Variants in PARP8 observed in about 807,000 individuals in gnomAD.
PARP8 encodes poly(ADP-ribose) polymerase family member 8.
PARP8 carries 51 observed loss-of-function variants against 124.1 expected under a neutral mutation model. The ratio of observed to expected loss-of-function variants is 0.41; its 90% confidence interval spans 0.33 to 0.52. PARP8 has a LOEUF of 0.52. Ranked by LOEUF, PARP8 falls within the 20% of genes least tolerant of loss-of-function variation. The pLI, the probability that PARP8 is intolerant of heterozygous loss-of-function variation, is 0.21. For synonymous variants in PARP8, 391 were observed against 361.5 expected (o/e 1.08, Z -0.93); for missense variants, 860 against 1,018.9 (o/e 0.84, Z 2.12).
intron 2 of PARP8, among the ~76,000 whole-genome samples, chr5:50,747,163 G>GT (rs1211253892): frequency 0.052 from 4,989 of 95,436 alleles, 307 homozygotes; most frequent in African/African-American, 0.068. Flanking sequence ...TGTTTGTTTT[G>GT]TTTTTTTTTT....
chr5:50,825,852 A>T (rs938492105), intron 18 of PARP8, among the ~76,000 whole-genome samples: 1 of 152,174 alleles, frequency 6.6e-6, no homozygotes, highest in Non-Finnish European at 1.5e-5. Context: ...GGCTTCCTCA[A>T]GATTCTGATT....
At position 50,795,030 on chromosome 5, in the gene PARP8, T is replaced by C; in HGVS notation, c.1041T>C (p.Asp347=). ...HRTFGRSLSS[D]PRAEQAMTAI... ...CCTTTGGCCGCTCCTTGTCCAGCGA[T>C]CCCAGGGCGGAGCAGGCTATGACAG... The change falls in exon 12 of 26, where the codon GAT becomes GAC. Residue 347 remains aspartate (D), a synonymous_variant. Coordinates refer to ENST00000281631, the MANE Select transcript of PARP8 (RefSeq NM_024615.4). 1 of 1,614,190 alleles carries C rather than the reference T, an allele frequency of 6.2e-7. No individual in the cohort carries two copies. The highest frequency in any genetic ancestry group is 8.5e-7 in the Non-Finnish European group (1 of 1,180,024).
At chr5:50,761,018 G>C (rs1267682836) in intron 5 of PARP8, among the ~76,000 whole-genome samples, 1 of 152,076 alleles carries the variant, frequency 6.6e-6, no homozygotes, top group Non-Finnish European at 1.5e-5. Context: ...GCTGAAACCA[G>C]AAATGGTTAG....
At chr5:50,678,455 G>T (rs997405710) in intron 2 of PARP8, among the ~76,000 whole-genome samples, 4 of 151,900 alleles carry the variant, frequency 2.6e-5, no homozygotes, top group African/African-American at 7.3e-5. Context: ...TAAAATGAAG[G>T]ATATCTATGT....
intron 9 of PARP8, among the ~76,000 whole-genome samples, chr5:50,787,030 G>A (rs1366362819): frequency 6.6e-6 from 1 of 152,100 alleles, no homozygotes; most frequent in Admixed American, 6.5e-5. Flanking sequence ...GTCTCCTGCA[G>A]TCTTTCACAT....
intron 21 of PARP8, among the ~76,000 whole-genome samples, chr5:50,829,196 A>C (rs190960674): frequency 6.6e-6 from 1 of 152,288 alleles, no homozygotes; most frequent in East Asian, 1.9e-4. Flanking sequence ...ATCTTTATTT[A>C]TGCCTTTCAT....
chr5:50,741,342 AAAAG>A (rs1303026887), intron 2 of PARP8, among the ~76,000 whole-genome samples: 1 of 152,218 alleles, frequency 6.6e-6, no homozygotes, highest in Admixed American at 6.5e-5. Context: ...TGAGTAAAGA[AAAAG>A]AGAGAAGCAC....
intron 7 of PARP8, among the ~76,000 whole-genome samples, chr5:50,768,067 C>T (rs1349653232): frequency 6.6e-6 from 1 of 151,856 alleles, no homozygotes; most frequent in East Asian, 1.9e-4. Flanking sequence ...GGCTAGATAT[C>T]TGAAATATAT....
intron 5 of PARP8, among the ~76,000 whole-genome samples, chr5:50,761,104 A>G (rs1760494169): frequency 6.6e-6 from 1 of 152,006 alleles, no homozygotes; most frequent in African/African-American, 2.4e-5. Flanking sequence ...TCAGTGTAGA[A>G]GTTTAGGGAT....
chr5:50,815,753 T>C (rs1382958812), intron 15 of PARP8, among the ~76,000 whole-genome samples: 1 of 152,174 alleles, frequency 6.6e-6, no homozygotes, highest in East Asian at 1.9e-4. Flanking sequence ...CAACTTTCCA[T>C]TGCATGAAAA....
intron 2 of PARP8, among the ~76,000 whole-genome samples, chr5:50,685,843 C>T (rs1468462873): frequency 2.6e-5 from 4 of 152,134 alleles, no homozygotes; most frequent in African/African-American, 9.7e-5. Context: ...CAGCAAAACT[C>T]CCCTCTTGAA....
At chr5:50,707,242 C>G (rs1448860721) in intron 2 of PARP8, among the ~76,000 whole-genome samples, 2 of 151,960 alleles carry the variant, frequency 1.3e-5, no homozygotes, top group African/African-American at 4.8e-5. Flanking sequence ...ATTCGTCATT[C>G]AATTAACATA....
intron 1 of PARP8, chr5:50,667,768 C>G: frequency 6.5e-6 from 5 of 763,558 alleles, no homozygotes; most frequent in South Asian, 5.9e-5. Flanking sequence ...ATTTTGCTCC[C>G]CCGGGATTTT....
At position 50,826,872 on chromosome 5, in the gene PARP8, C is replaced by T; in HGVS notation, c.1977+69C>T. ...AGGAGTACTTATCAGTTGGGAGAAC[C>T]TACCTTGTAATTTTTAGCCAGACTC... On this transcript the variant is annotated intron_variant, in intron 19 of 25. Transcript: ENST00000281631. 3.9e-6 allele frequency: 6 copies of T among 1,538,982 alleles called. No homozygotes were observed. The South Asian group carries it at 5.1e-5, about 13-fold the overall frequency.
chr5:50,703,183 C>T (rs1753770624), intron 2 of PARP8, among the ~76,000 whole-genome samples: 1 of 151,858 alleles, frequency 6.6e-6, no homozygotes, highest in African/African-American at 2.4e-5. Flanking sequence ...CACCTTAAGT[C>T]CCAGCTACTT....
chr5:50,773,927 G>A (rs1400715416), intron 7 of PARP8, among the ~76,000 whole-genome samples: 1 of 151,526 alleles, frequency 6.6e-6, no homozygotes, highest in African/African-American at 2.4e-5. Flanking sequence ...TGGAGAGAAG[G>A]TCAGCAGATA....
chr5:50,783,284 A>C (rs1464010613), intron 9 of PARP8, among the ~76,000 whole-genome samples: 1 of 152,140 alleles, frequency 6.6e-6, no homozygotes, highest in African/African-American at 2.4e-5. Flanking sequence ...CTCAAGTCCA[A>C]CCAGCGCTTC....
At chr5:50,756,317 T>C (rs1422531834) in intron 3 of PARP8, among the ~76,000 whole-genome samples, 1 of 152,140 alleles carries the variant, frequency 6.6e-6, no homozygotes, top group Non-Finnish European at 1.5e-5. Flanking sequence ...TGGCTGTGGG[T>C]TTGTCATAGA....
At chr5:50,809,307 A>T (rs1413811377) in intron 14 of PARP8, among the ~76,000 whole-genome samples, 2 of 152,086 alleles carry the variant, frequency 1.3e-5, no homozygotes, top group African/African-American at 4.8e-5. Context: ...GTTCTAGAAG[A>T]TATTCATATA....
Sources: allele counts gnomAD v4.1 joint callset (sites outside exome capture counted in the v4.1 genomes callset), GRCh38; gene constraint gnomAD v4.1.1; transcripts MANE v1.5; gene names NCBI Gene and HGNC (gene_info 2026-07-23, HGNC 2026-07-21).